Variants in FGGY observed in about 807,000 individuals in gnomAD.
FGGY encodes FGGY carbohydrate kinase domain containing.
FGGY carries 72 observed loss-of-function variants against 71.3 expected under a neutral mutation model. That is an observed-to-expected ratio of 1.01 (90% CI 0.84 to 1.23). The LOEUF is 1.23. FGGY is among the 50% of genes most tolerant of loss of function. The probability of loss-of-function intolerance (pLI) is 0.00; values close to 1 mark genes in which losing one functional copy is unlikely to be tolerated. For synonymous variants in FGGY, 251 were observed against 250.3 expected (o/e 1.00, Z -0.02); for missense variants, 668 against 682.3 (o/e 0.98, Z 0.23).
At chr1:59,695,660 A>T (rs888143194) in intron 14 of FGGY, among the ~76,000 whole-genome samples, 3 of 152,168 alleles carry the variant, frequency 2.0e-5, no homozygotes, top group Non-Finnish European at 2.9e-5. Context: ...AACCCTGTAC[A>T]TGTAGTTAGT....
chr1:59,392,168 C>T (rs1210855081), intron 5 of FGGY, among the ~76,000 whole-genome samples: 1 of 152,116 alleles, frequency 6.6e-6, no homozygotes, highest in Non-Finnish European at 1.5e-5. Flanking sequence ...ATTTCTTACC[C>T]AGGGTGGCTA....
intron 5 of FGGY, among the ~76,000 whole-genome samples, chr1:59,431,535 T>A (rs1366564328): frequency 3.9e-5 from 6 of 152,190 alleles, no homozygotes; most frequent in Non-Finnish European, 8.8e-5. Flanking sequence ...GATTATTTGT[T>A]TATCTGATAG....
At chr1:59,675,198 T>C (rs1464885239) in intron 14 of FGGY, among the ~76,000 whole-genome samples, 1 of 151,920 alleles carries the variant, frequency 6.6e-6, no homozygotes, top group Non-Finnish European at 1.5e-5. Context: ...AGCAGCAGAG[T>C]CCAAATGACT....
At chr1:59,596,210 A>G (rs990170595) in intron 8 of FGGY, among the ~76,000 whole-genome samples, 1 of 151,832 alleles carries the variant, frequency 6.6e-6, no homozygotes, top group African/African-American at 2.4e-5. Context: ...TTTTTTTAAC[A>G]TGAGGCTCAC....
At chr1:59,509,537 C>T (rs1442732905) in intron 6 of FGGY, among the ~76,000 whole-genome samples, 1 of 152,208 alleles carries the variant, frequency 6.6e-6, no homozygotes, top group Non-Finnish European at 1.5e-5. Context: ...CCAGCTTCCT[C>T]TGTCCTTCAA....
intron 10 of FGGY, among the ~76,000 whole-genome samples, chr1:59,637,462 G>A (rs1001281386): frequency 5.9e-5 from 9 of 151,956 alleles, no homozygotes; most frequent in Admixed American, 3.9e-4. Flanking sequence ...GTGAAACCCC[G>A]TCTCTACTAA....
intron 9 of FGGY, among the ~76,000 whole-genome samples, chr1:59,623,109 A>G (rs1268718167): frequency 6.6e-6 from 1 of 152,176 alleles, no homozygotes; most frequent in Non-Finnish European, 1.5e-5. Flanking sequence ...ATGCTACAGT[A>G]GAGTAAGGAT....
At chr1:59,501,837 C>T (rs931585735) in intron 6 of FGGY, among the ~76,000 whole-genome samples, 1 of 152,168 alleles carries the variant, frequency 6.6e-6, no homozygotes, top group Non-Finnish European at 1.5e-5. Flanking sequence ...AAGCATATAT[C>T]TCCACATGCT....
chr1:59,340,133 A>C, intron 3 of FGGY, 64 bp downstream of exon 3: 1 of 1,130,972 alleles, frequency 8.8e-7, no homozygotes, highest in Non-Finnish European at 1.3e-6. Context: ...CAATGGGCCC[A>C]GGTGGAACAG....
intron 1 of FGGY, among the ~76,000 whole-genome samples, chr1:59,301,653 G>T (rs1029352683): frequency 2.0e-5 from 3 of 150,852 alleles, no homozygotes; most frequent in Non-Finnish European, 4.4e-5. Flanking sequence ...TTTTTTTAAA[G>T]GAATAATGGA....
chr1:59,734,179 T>G (rs187663569), intron 14 of FGGY, among the ~76,000 whole-genome samples: 1,554 of 152,338 alleles, frequency 0.01, 14 homozygotes, highest in Middle Eastern at 0.014. Context: ...AGTAGGGTTT[T>G]GGGGAACAGG....
chr1:59,652,801 T>C (rs1487463045), intron 11 of FGGY, among the ~76,000 whole-genome samples: 3 of 152,234 alleles, frequency 2.0e-5, no homozygotes, highest in South Asian at 2.1e-4. Context: ...GGTGAGGAAC[T>C]GCGTTCCTTT....
chr1:59,518,848 G>A (rs781351156), intron 7 of FGGY, among the ~76,000 whole-genome samples: 2 of 152,132 alleles, frequency 1.3e-5, no homozygotes, highest in Admixed American at 1.3e-4. Context: ...AAACTGTTCA[G>A]TTTCAGGTAT....
chr1:59,615,536 A>G (rs889735150), intron 9 of FGGY, among the ~76,000 whole-genome samples: 1 of 152,230 alleles, frequency 6.6e-6, no homozygotes, highest in Admixed American at 6.5e-5. Flanking sequence ...CTACAACCAT[A>G]AAAACCCTAG....
intron 6 of FGGY, among the ~76,000 whole-genome samples, chr1:59,498,986 G>T (rs1452580482): frequency 6.6e-6 from 1 of 152,178 alleles, no homozygotes; most frequent in Admixed American, 6.5e-5. Context: ...TTGCACTGTA[G>T]TAGAAGTTTC....
chr1:59,661,540 A>G (rs929721234), intron 12 of FGGY, among the ~76,000 whole-genome samples: 2 of 152,346 alleles, frequency 1.3e-5, no homozygotes, highest in African/African-American at 2.4e-5. Context: ...TCAAAAGCAC[A>G]CAATTCTGAC....
intron 7 of FGGY, among the ~76,000 whole-genome samples, chr1:59,528,652 G>C (rs1051363215): frequency 1.3e-5 from 2 of 152,150 alleles, no homozygotes; most frequent in Non-Finnish European, 2.9e-5. Flanking sequence ...TTAGCCTCAG[G>C]AGTTAAAAGT....
intron 5 of FGGY, among the ~76,000 whole-genome samples, chr1:59,432,981 T>C (rs141681149): frequency 3.9e-5 from 6 of 152,220 alleles, no homozygotes; most frequent in Non-Finnish European, 7.3e-5. Flanking sequence ...TTTCCTTACA[T>C]GATTACCTCT....
intron 11 of FGGY, among the ~76,000 whole-genome samples, chr1:59,653,358 G>A (rs1434109205): frequency 2.6e-5 from 4 of 152,158 alleles, no homozygotes; most frequent in Non-Finnish European, 5.9e-5. Flanking sequence ...CAGCCTTGCT[G>A]CCGCCTTGCA....
Sources: allele counts gnomAD v4.1 joint callset (sites outside exome capture counted in the v4.1 genomes callset), GRCh38; gene constraint gnomAD v4.1.1; transcripts MANE v1.5; gene names NCBI Gene and HGNC (gene_info 2026-07-23, HGNC 2026-07-21).